Variants in DISC1 observed in about 807,000 individuals in gnomAD.
DISC1 encodes the protein DISC1 scaffold protein.
DISC1 carries 57 observed loss-of-function variants against 84.5 expected under a neutral mutation model. The ratio of observed to expected loss-of-function variants is 0.67; its 90% CI spans 0.55 to 0.84. DISC1 has a LOEUF of 0.84. DISC1 is among the 40% of genes least tolerant of loss of function. The probability of loss-of-function intolerance (pLI) is 0.00; values close to 1 mark genes in which losing one functional copy is unlikely to be tolerated. For missense variants in DISC1, 1,000 were observed against 1,057.8 expected (o/e 0.95, Z 0.76); for synonymous variants, 411 against 415.2 (o/e 0.99, Z 0.12).
At chr1:232,020,070 G>A (rs528981368) in intron 11 of DISC1, among the ~76,000 whole-genome samples, 1 of 152,026 alleles carries the variant, frequency 6.6e-6, no homozygotes, top group Non-Finnish European at 1.5e-5. Context: ...GGCCAGGTGC[G>A]GTGGCTCACA....
At chr1:231,801,301 C>T (rs1344188600) in intron 8 of DISC1, among the ~76,000 whole-genome samples, 3 of 152,102 alleles carry the variant, frequency 2.0e-5, no homozygotes, top group African/African-American at 4.8e-5. Context: ...AGATTGAACA[C>T]AGTCTTGCTT....
At chr1:231,670,129 T>C (rs2062455766) in intron 1 of DISC1, among the ~76,000 whole-genome samples, 1 of 152,214 alleles carries the variant, frequency 6.6e-6, no homozygotes, top group African/African-American at 2.4e-5. Context: ...AAACACCGCA[T>C]GTTCTCACTT....
chr1:231,728,657 G>T (rs1206756329), intron 3 of DISC1, among the ~76,000 whole-genome samples: 2 of 152,182 alleles, frequency 1.3e-5, no homozygotes, highest in East Asian at 1.9e-4. Flanking sequence ...AGGACCTGAG[G>T]TCTTTCTTCC....
At chr1:231,942,475 G>C (rs2091408186) in intron 9 of DISC1, among the ~76,000 whole-genome samples, 1 of 152,104 alleles carries the variant, frequency 6.6e-6, no homozygotes, top group African/African-American at 2.4e-5. Flanking sequence ...GACCACCGTG[G>C]CTAATATGGT....
chr1:231,783,855 A>G (rs770636034), intron 6 of DISC1, among the ~76,000 whole-genome samples: 1 of 152,250 alleles, frequency 6.6e-6, no homozygotes, highest in South Asian at 2.1e-4. Context: ...AATCTTTTCC[A>G]AGAAAAGATC....
intron 9 of DISC1, among the ~76,000 whole-genome samples, chr1:231,929,281 A>G (rs1037674307): frequency 6.6e-6 from 1 of 152,042 alleles, no homozygotes; most frequent in African/African-American, 2.4e-5. Context: ...TTAGCTCTTC[A>G]TGGAGGCAAC....
chr1:231,949,903 C>T (rs952502935), intron 9 of DISC1, among the ~76,000 whole-genome samples: 2 of 152,238 alleles, frequency 1.3e-5, no homozygotes, highest in African/African-American at 2.4e-5. Flanking sequence ...GAGCCTTTGG[C>T]ATAAAACCCA....
chr1:232,026,384 T>C, intron 11 of DISC1, 51 bp from the exon 12 acceptor site: 5 of 1,294,796 alleles, frequency 3.9e-6, no homozygotes, highest in Non-Finnish European at 5.5e-6. Context: ...CTTTGTGTTC[T>C]GTCTGTGTCC....
chr1:232,020,594 C>T (rs1370262582), intron 11 of DISC1, among the ~76,000 whole-genome samples: 1 of 152,272 alleles, frequency 6.6e-6, no homozygotes, highest in East Asian at 1.9e-4. Flanking sequence ...CTCCATTTCT[C>T]TTGCAGTTAT....
rs150673951 is a variant in DISC1 at position 231,681,434 on chromosome 1, G to A, written c.68-12392G>A. 2.5e-3 allele frequency among the ~76,000 whole-genome samples: 384 copies of A among 151,874 alleles called. 3 individuals are homozygous for A. Among genetic ancestry groups the A allele is most frequent in the African/African-American group, 9.0e-3 (371 of 41,408 alleles). On this transcript the variant is annotated intron_variant, in intron 1 of 12. Transcript: ENST00000439617. ...GTGTGTGTGTGTGTGTGTAAATCAC[G>A]TTGGCCTCCTGGGGAACTTCATCAG...
chr1:232,004,644 A>T (rs1284284056), intron 10 of DISC1, among the ~76,000 whole-genome samples: 1 of 152,232 alleles, frequency 6.6e-6, no homozygotes, highest in Non-Finnish European at 1.5e-5. Context: ...ATATGAAAAG[A>T]TAATTCACAG....
chr1:231,917,352 C>T (rs973589107), intron 9 of DISC1, among the ~76,000 whole-genome samples: 1 of 152,236 alleles, frequency 6.6e-6, no homozygotes, highest in African/African-American at 2.4e-5. Flanking sequence ...TTATATCTTA[C>T]TTTCCATAAA....
chr1:231,908,248 C>T (rs1371383641), intron 9 of DISC1, among the ~76,000 whole-genome samples: 5 of 152,148 alleles, frequency 3.3e-5, no homozygotes, highest in Non-Finnish European at 4.4e-5. Flanking sequence ...GAAGTCCTTG[C>T]CCATGCCTGT....
At chr1:231,986,769 G>A (rs2102896891) in intron 10 of DISC1, among the ~76,000 whole-genome samples, 1 of 152,310 alleles carries the variant, frequency 6.6e-6, no homozygotes, top group East Asian at 1.9e-4. Flanking sequence ...TGAAGATAAT[G>A]TGACCACAGT....
At chr1:231,751,718 A>G (rs1335731841) in intron 4 of DISC1, among the ~76,000 whole-genome samples, 1 of 152,182 alleles carries the variant, frequency 6.6e-6, no homozygotes, top group Non-Finnish European at 1.5e-5. Flanking sequence ...AAGTGACATC[A>G]TACAATATTT....
rs184640598 is a variant in DISC1, at chr1:231,628,075, A to G, written c.67+1141A>G. Among the ~76,000 whole-genome samples the G allele has an allele frequency of 1.1e-4, 16 of 152,312 alleles. No homozygotes were observed. The East Asian group carries it at 2.9e-3, about 28-fold the overall frequency. On this transcript the variant is annotated intron_variant, in intron 1 of 12. Coordinates refer to ENST00000439617, the MANE Select transcript of DISC1 (RefSeq NM_018662.3). ...AAAAACCTTAGTTGCTATTTTTCCT[A>G]GGCAAAATCTAAATAATTGGGAGTA...
chr1:231,901,618 C>T (rs1207473467), intron 9 of DISC1, among the ~76,000 whole-genome samples: 2 of 152,198 alleles, frequency 1.3e-5, no homozygotes, highest in African/African-American at 4.8e-5. Flanking sequence ...ACACTGCAGA[C>T]ACTGACAAAT....
At chr1:231,980,047 T>C (rs981056005) in intron 10 of DISC1, among the ~76,000 whole-genome samples, 11 of 152,350 alleles carry the variant, frequency 7.2e-5, no homozygotes, top group Admixed American at 5.2e-4. Flanking sequence ...CAAAGTCAAG[T>C]GTATAAAACA....
At position 231,694,625 on chromosome 1, in the gene DISC1, T is replaced by C; in HGVS notation, c.867T>C (p.Arg289=). 1 of 1,614,262 alleles carries C rather than the reference T, an allele frequency of 6.2e-7. No homozygotes were observed. The highest frequency in any genetic ancestry group is 8.5e-7 in the Non-Finnish European group (1 of 1,180,044). ...CAAGGAACAGCTCCAGGCCAGAGCG[T>C]GACATGCATTCTTTACCAGACATGG... ...QAARNSSRPE[R]DMHSLPDMDP... Residue 289 remains arginine, a synonymous_variant, in exon 2 of 13, where the codon CGT becomes CGC. Coordinates refer to ENST00000439617, the MANE Select transcript of DISC1 (RefSeq NM_018662.3).
Sources: gnomAD v4.1 joint callset for allele counts (sites outside exome capture counted in the v4.1 genomes callset) on GRCh38, gnomAD v4.1.1 for gene constraint, MANE v1.5 for transcripts, NCBI Gene and HGNC (gene_info 2026-07-23, HGNC 2026-07-21) for gene names.